The following POLA1 variants were observed in gnomAD, a reference collection of about 807,000 sequenced individuals.
POLA1 encodes the protein DNA polymerase alpha catalytic subunit.
POLA1 carries 15 observed loss-of-function variants against 124.0 expected under a neutral mutation model. The ratio of observed to expected loss-of-function variants is 0.12; its 90% CI spans 0.08 to 0.19. The LOEUF (loss-of-function observed/expected upper bound fraction) is 0.19. Among genes scored for constraint, POLA1 ranks in the 10% least tolerant of loss-of-function variants. POLA1 has a pLI of 1.00. For missense variants in POLA1, 886 were observed against 1,103.4 expected (o/e 0.80, Z 2.79); for synonymous variants, 408 against 389.4 (o/e 1.05, Z -0.56).
chrX:24,708,391 T>TTA (rs1555972078), intron 4 of POLA1, among the ~76,000 whole-genome samples: 2 of 91,905 alleles, frequency 2.2e-5, no homozygotes, highest in Non-Finnish European at 4.4e-5. Flanking sequence ...TTTTTTTTTT[T>TTA]AATTTATTTT....
chrX:24,712,628 A>G (rs1315679763), intron 4 of POLA1, among the ~76,000 whole-genome samples: 5 of 110,923 alleles, frequency 4.5e-5, no homozygotes, highest in Non-Finnish European at 9.5e-5. Context: ...TTCTGGTGTA[A>G]TTGAATTTAT....
intron 26 of POLA1, among the ~76,000 whole-genome samples, chrX:24,754,413 A>G (rs1363305780): frequency 2.8e-5 from 3 of 108,474 alleles, no homozygotes; most frequent in Non-Finnish European, 5.7e-5. Context: ...ACGTGCCACC[A>G]CACTCGGCTA....
intron 26 of POLA1, among the ~76,000 whole-genome samples, chrX:24,767,702 TACTGA>T (rs1192092597): frequency 1.8e-5 from 2 of 111,818 alleles, no homozygotes; most frequent in African/African-American, 6.5e-5. Flanking sequence ...TGTAGAAATG[TACTGA>T]ACTGAGAAAA....
chrX:24,863,258 GC>G (rs11430408), intron 34 of POLA1, among the ~76,000 whole-genome samples: 20 of 101,602 alleles, frequency 2.0e-4, no homozygotes, highest in South Asian at 1.4e-3. Flanking sequence ...GGAAGAGTAT[GC>G]CCCCCCCCAT....
Position 24,787,236 on chromosome X carries a change from T to C in POLA1, c.2965-22662T>C, listed in dbSNP as rs756944791. ...TTTGTTGCAGTCTTACTTATTTATTTTTGCTGTTGTTGCCTGTGCTTTTGG... is the reference window on the plus strand; with the variant it reads ...TTTGTTGCAGTCTTACTTATTTATTCTTGCTGTTGTTGCCTGTGCTTTTGG... On this transcript the variant is annotated intron_variant, in intron 26 of 36. Transcript: ENST00000379068. Among the ~76,000 whole-genome samples the C allele has an allele frequency of 2.7e-5, 3 of 112,036 alleles. No homozygotes were observed. The East Asian group carries it at 8.4e-4, about 31-fold the overall frequency.
At chrX:24,735,886 G>T (rs1931241475) in intron 18 of POLA1, among the ~76,000 whole-genome samples, 1 of 111,526 alleles carries the variant, frequency 9.0e-6, no homozygotes, top group Non-Finnish European at 1.9e-5. Context: ...TATGAGTTCA[G>T]TGGATCTCTA....
intron 10 of POLA1, among the ~76,000 whole-genome samples, chrX:24,719,868 C>T (rs767932150): frequency 1.8e-5 from 2 of 110,868 alleles, no homozygotes; most frequent in East Asian, 2.8e-4. Flanking sequence ...TCATATCTAC[C>T]ACCCTGATCC....
At chrX:24,865,737 T>C (rs1181304182) in intron 34 of POLA1, among the ~76,000 whole-genome samples, 1 of 111,707 alleles carries the variant, frequency 9.0e-6, no homozygotes, top group Non-Finnish European at 1.9e-5. Context: ...GAATGCTGAG[T>C]TGTAATTATG....
At chrX:24,783,405 C>T (rs2045302180) in intron 26 of POLA1, among the ~76,000 whole-genome samples, 1 of 111,700 alleles carries the variant, frequency 9.0e-6, no homozygotes, top group African/African-American at 3.3e-5. Flanking sequence ...ATCTAAATTT[C>T]ACAAGTGCAA....
At chrX:24,949,893 C>G (rs1478232074) in intron 36 of POLA1, among the ~76,000 whole-genome samples, 2 of 109,533 alleles carry the variant, frequency 1.8e-5, no homozygotes, top group South Asian at 4.0e-4. Context: ...CGCCACCACA[C>G]CCAGCTAATT....
chrX:24,810,675 T>C, intron 27 of POLA1, 33 bp from the exon 28 acceptor site: 2 of 648,157 alleles, frequency 3.1e-6, no homozygotes, highest in Non-Finnish European at 4.9e-6. Context: ...CACTGTGTTT[T>C]TGTTAATTTT....
chrX:24,741,937 C>T, intron 21 of POLA1, 65 bp from the exon 22 acceptor site: 3 of 1,004,957 alleles, frequency 3.0e-6, no homozygotes, highest in Non-Finnish European at 4.1e-6. Flanking sequence ...AACTTACTGA[C>T]TCAAAGTTGC....
chrX:24,727,926 A>T lies in POLA1; in HGVS notation c.1676A>T (p.His559Leu), dbSNP rs1203716704. 1 of 1,206,462 alleles carries T rather than the reference A, an allele frequency of 8.3e-7. No individual in the cohort carries two copies. Among genetic ancestry groups the T allele is most frequent in the African/African-American group, 1.7e-5 (1 of 57,343 alleles). The change falls in exon 15 of 37, where the codon CAT becomes CTT. Residue 559 changes from histidine to leucine, a missense_variant. Physicochemically the swap from His to Leu is moderately conservative, Grantham distance 99. Coordinates refer to ENST00000379068, the MANE Select transcript of POLA1 (RefSeq NM_001330360.2). The part of the protein sequence containing the change: ...SMKTMQNAKN[H>L]QNEIIAMAAL... ...AAGACAATGCAGAATGCAAAGAACC[A>T]TCAAAATGAGGTTTAAAAAATAGGA...
At position 24,995,903 on chromosome X, in the gene POLA1, G is replaced by A. The variant is rs1262888617; in HGVS notation, c.4360G>A (p.Glu1454Lys). The A allele has an allele frequency of 7.4e-6, 9 of 1,208,686 alleles. No individual in the cohort carries two copies. The highest frequency in any genetic ancestry group is 3.5e-5 in the South Asian group (2 of 56,633). ...EQFLSRSGYS[E>K]VNLSKLFAGC... ...ATTCTTGTCCCGAAGTGGCTACTCC[G>A]AAGTGAATCTGAGCAAACTCTTCGC... Residue 1454 changes from glutamate to lysine, a missense_variant, in exon 37 of 37, where the codon GAA becomes AAA. Transcript: ENST00000379068.
intron 34 of POLA1, among the ~76,000 whole-genome samples, chrX:24,868,873 A>G (rs948117199): frequency 8.9e-6 from 1 of 112,111 alleles, no homozygotes; most frequent in African/African-American, 3.2e-5. Context: ...TGAAAGAAGA[A>G]AAGCCCACAA....
intron 34 of POLA1, among the ~76,000 whole-genome samples, chrX:24,883,135 C>T (rs1002640855): frequency 8.9e-6 from 1 of 111,927 alleles, no homozygotes; most frequent in African/African-American, 3.2e-5. Context: ...TTGTTGGCTG[C>T]TTATATGTCT....
rs368491204 is a variant in POLA1 at position 24,788,475 on chromosome X, C to T, written c.2965-21423C>T. On this transcript the variant is annotated intron_variant, in intron 26 of 36. Coordinates refer to ENST00000379068, the MANE Select transcript of POLA1 (RefSeq NM_001330360.2). ...ATCTGCTCCTCCAGCATATCTGTTCCGACTTTATCATCTTCAACTACACAC... is the reference window on the plus strand; with the variant it reads ...ATCTGCTCCTCCAGCATATCTGTTCTGACTTTATCATCTTCAACTACACAC... The T allele has an allele frequency of 2.8e-5, 34 of 1,194,729 alleles. No individual in the cohort carries two copies. In the African/African-American group the frequency reaches 3.4e-4, roughly 12 times the overall value.
chrX:24,794,697 A>AC (rs2045574253), intron 26 of POLA1, among the ~76,000 whole-genome samples: 1 of 112,002 alleles, frequency 8.9e-6, no homozygotes, highest in African/African-American at 3.2e-5. Context: ...CCATATTTAG[A>AC]AAGCTGCCTC....
At chrX:24,849,324 A>G (rs985303611) in intron 34 of POLA1, among the ~76,000 whole-genome samples, 2 of 112,971 alleles carry the variant, frequency 1.8e-5, no homozygotes, top group South Asian at 3.6e-4. Context: ...CTCATCCTAA[A>G]TCTTGTTAAA....
Sources: gnomAD v4.1 joint callset for allele counts (sites outside exome capture counted in the v4.1 genomes callset) on GRCh38, gnomAD v4.1.1 for gene constraint, MANE v1.5 for transcripts, NCBI Gene and HGNC (gene_info 2026-07-23, HGNC 2026-07-21) for gene names.